AFAP1L1: variants seen among roughly 807,000 people sequenced by gnomAD.
The protein encoded by AFAP1L1 is actin filament-associated protein 1-like 1.
Under a neutral mutation model 99.8 loss-of-function variants are expected in AFAP1L1, and 77 were observed. That is an observed-to-expected ratio of 0.77 (90% CI 0.64 to 0.93). The LOEUF is 0.93. Among genes scored for constraint, AFAP1L1 ranks in the 40% least tolerant of loss-of-function variants. AFAP1L1 has a pLI of 0.00. For synonymous variants in AFAP1L1, 373 were observed against 395.3 expected (o/e 0.94, Z 0.67); for missense variants, 893 against 996.8 (o/e 0.90, Z 1.40).
intron 1 of AFAP1L1, among the ~76,000 whole-genome samples, chr5:149,298,078 C>T (rs1270418071): frequency 6.6e-6 from 1 of 152,174 alleles, no homozygotes; most frequent in African/African-American, 2.4e-5. Context: ...AATTTGAACC[C>T]AGGTGATCTG....
intron 17 of AFAP1L1, among the ~76,000 whole-genome samples, chr5:149,335,044 T>C (rs957305643): frequency 6.6e-6 from 1 of 152,246 alleles, no homozygotes; most frequent in Non-Finnish European, 1.5e-5. Context: ...CATAGGCTTG[T>C]TGAAAAGCTA....
chr5:149,300,187 C>A, intron 2 of AFAP1L1, 84 bp from the exon 3 acceptor site: 1 of 903,640 alleles, frequency 1.1e-6, no homozygotes. Context: ...CACTGTGTCC[C>A]ATGTGGGCTA....
chr5:149,279,030 T>C (rs749564810), intron 1 of AFAP1L1, among the ~76,000 whole-genome samples: 1 of 152,232 alleles, frequency 6.6e-6, no homozygotes, highest in Non-Finnish European at 1.5e-5. Context: ...GTGACCCAAT[T>C]TTGAGCTCAT....
intron 1 of AFAP1L1, among the ~76,000 whole-genome samples, chr5:149,285,141 G>A (rs968049649): frequency 2.6e-5 from 4 of 151,994 alleles, no homozygotes; most frequent in African/African-American, 9.7e-5. Flanking sequence ...CAGGTTCATG[G>A]GGGCCTGGCC....
intron 1 of AFAP1L1, among the ~76,000 whole-genome samples, chr5:149,289,962 G>A (rs1326457115): frequency 5.3e-5 from 8 of 152,216 alleles, no homozygotes; most frequent in South Asian, 2.1e-4. Context: ...GGCCGGGTGC[G>A]GTGGCTCACG....
chr5:149,318,091 G>C (rs548999955), intron 12 of AFAP1L1, 151 bp downstream of exon 12: 7 of 873,062 alleles, frequency 8.0e-6, no homozygotes, highest in Non-Finnish European at 1.2e-5. Flanking sequence ...GACCCAAGTA[G>C]ATTATAAGAC....
rs2127600134 is a variant in AFAP1L1 at position 149,320,713 on chromosome 5, C to T, written c.1698+250C>T. 1.3e-5 allele frequency among the ~76,000 whole-genome samples: 2 copies of T among 152,272 alleles called. No individual in the cohort carries two copies. Among genetic ancestry groups the T allele is most frequent in the South Asian group, 4.2e-4 (2 of 4,814 alleles). On this transcript the variant is annotated intron_variant, in intron 14 of 18. Transcript: ENST00000296721. The surrounding 1 kb of genome is among the most constrained non-coding windows in gnomAD (Gnocchi z 4.0). ...GGCTGTGCAGACTCCCAAACACTAC[C>T]AAAAGGTGAGGCATCGTCTCCGGTT... is the stretch of plus-strand genomic sequence containing the variant.
intron 1 of AFAP1L1, among the ~76,000 whole-genome samples, chr5:149,297,118 C>T (rs778365986): frequency 6.6e-6 from 1 of 152,112 alleles, no homozygotes; most frequent in South Asian, 2.1e-4. Flanking sequence ...CTGTTGAGGG[C>T]GCTAGAGAGG....
Position 149,341,692 on chromosome 5 carries a change from G to C in AFAP1L1, c.*1662G>C, listed in dbSNP as rs941994721. On this transcript the variant is annotated 3_prime_UTR_variant, in exon 19 of 19. Transcript: ENST00000296721. ...GGACCGCTTGAGCCCAGGAGTTTGA[G>C]ACTGTAGTGCACTATGATCACGCCT... 2.0e-5 allele frequency: 3 copies of C among 152,066 alleles called. No homozygotes were observed. The highest frequency in any genetic ancestry group is 7.3e-5 in the African/African-American group (3 of 41,360). The allele number at this position is 152,066 out of a possible 1,614,324, so 9.4% of individuals were successfully genotyped here.
At chr5:149,332,919 C>T (rs1030528188) in intron 17 of AFAP1L1, 46 bp downstream of exon 17, 4 of 1,498,908 alleles carry the variant, frequency 2.7e-6, no homozygotes, top group Non-Finnish European at 3.6e-6. Flanking sequence ...TCCTATGTCC[C>T]TCCACTCACT....
intron 18 of AFAP1L1, 47 bp downstream of exon 18, chr5:149,335,769 C>T (rs372791143): frequency 2.0e-5 from 32 of 1,595,206 alleles, no homozygotes; most frequent in Non-Finnish European, 2.6e-5. Context: ...CTGGTAGCCC[C>T]CTTTCTATGG....
chr5:149,301,033 A>C lies in AFAP1L1; in HGVS notation c.230-100A>C. ...ACTAACGGAGGGGTGGTGGAGCCCGACCTCACACTCAGGCCTCCTGACCCC... is the reference window on the plus strand; with the variant it reads ...ACTAACGGAGGGGTGGTGGAGCCCGCCCTCACACTCAGGCCTCCTGACCCC... On this transcript the variant is annotated intron_variant, in intron 3 of 18. Coordinates refer to ENST00000296721, the MANE Select transcript of AFAP1L1 (RefSeq NM_152406.4). 10 of 943,264 alleles carry C rather than the reference A, an allele frequency of 1.1e-5. No individual in the cohort carries two copies. In the South Asian group the frequency reaches 1.5e-4, roughly 14 times the overall value. 58.4% of individuals were successfully genotyped at this position (943,264 alleles called of 1,614,324 possible).
In AFAP1L1 at chr5:149,332,742, C is replaced by G; in HGVS notation, c.2023C>G (p.Gln675Glu). The G allele has an allele frequency of 6.2e-7, 1 of 1,613,928 alleles. No individual in the cohort carries two copies. Among genetic ancestry groups the G allele is most frequent in the Non-Finnish European group, 8.5e-7 (1 of 1,180,026 alleles). Residue 675 changes from glutamine to glutamate, a missense_variant, in exon 17 of 19, where the codon CAG (glutamine) becomes GAG (glutamate). Coordinates refer to ENST00000296721, the MANE Select transcript of AFAP1L1 (RefSeq NM_152406.4). The part of the protein sequence containing the change: ...LEEAVATLEA[Q>E]CRAKEERRID... ...AGAAGCCGTGGCCACCCTGGAAGCT[C>G]AGTGTCGGGCAAAGGAGGAGCGCCG...
At chr5:149,328,569 G>A (rs181907933) in intron 15 of AFAP1L1, among the ~76,000 whole-genome samples, 1 of 152,288 alleles carries the variant, frequency 6.6e-6, no homozygotes, top group Admixed American at 6.5e-5. Flanking sequence ...AGCACTTTGG[G>A]AGGCTGAGGC....
chr5:149,327,843 GAA>G (rs1757139615), intron 15 of AFAP1L1, among the ~76,000 whole-genome samples: 1 of 152,064 alleles, frequency 6.6e-6, no homozygotes, highest in Non-Finnish European at 1.5e-5. Context: ...ACTAGAAGGA[GAA>G]GAGAGAGAGA....
intron 1 of AFAP1L1, among the ~76,000 whole-genome samples, chr5:149,289,940 A>C (rs1409078950): frequency 2.0e-5 from 3 of 152,206 alleles, no homozygotes; most frequent in African/African-American, 7.2e-5. Context: ...TTATTGTAAG[A>C]CTTAATTTAT....
intron 1 of AFAP1L1, among the ~76,000 whole-genome samples, chr5:149,274,953 C>G (rs150363062): frequency 6.4e-4 from 98 of 152,052 alleles, no homozygotes; most frequent in African/African-American, 2.3e-3. Flanking sequence ...GGTGTGCACT[C>G]TCTTCTGTCA....
chr5:149,284,297 A>G lies in AFAP1L1; in HGVS notation c.16+12313A>G, dbSNP rs573711257. On this transcript the variant is annotated intron_variant, in intron 1 of 18. Transcript: ENST00000296721. ...CTAATAATAGAGAAAGGAGAGTATG[A>G]CGACTGAGGGCTCTGGCCGTGGTGT... Among the ~76,000 whole-genome samples, 4 of 152,158 alleles carry G rather than the reference A, an allele frequency of 2.6e-5. No individual in the cohort carries two copies. In the South Asian group the frequency reaches 8.3e-4, roughly 32 times the overall value.
chr5:149,329,605 AC>A lies in AFAP1L1; in HGVS notation c.1811-60del. 8 of 1,503,416 alleles carry A rather than the reference AC, an allele frequency of 5.3e-6. No individual in the cohort carries two copies. In the South Asian group the frequency reaches 9.5e-5, roughly 18 times the overall value. 93.1% of individuals were successfully genotyped at this position (1,503,416 alleles called of 1,614,324 possible). On this transcript the variant is annotated intron_variant, in intron 15 of 18. Transcript: ENST00000296721. ...TGGGGCTGAAAGAGAAGCTGACACC[AC>A]ACAAGTACCTTTGCCAGAGGTCAGA...
Sources: gnomAD v4.1 joint callset for allele counts (sites outside exome capture counted in the v4.1 genomes callset) on GRCh38, gnomAD v4.1.1 for gene constraint, Gnocchi (gnomAD v3.1) non-coding constraint, MANE v1.5 for transcripts, NCBI Gene and HGNC (gene_info 2026-07-23, HGNC 2026-07-21) for gene names.